The following SNX29 variants were observed in gnomAD, a reference collection of about 807,000 sequenced individuals.
SNX29 encodes sorting nexin 29.
In SNX29, 78 loss-of-function variants were observed where a neutral mutation model predicts 102.1. The observed-to-expected ratio is 0.76, with a 90% CI of 0.64 to 0.92. SNX29 has a LOEUF of 0.92. Among genes scored for constraint, SNX29 ranks in the 40% least tolerant of loss-of-function variants. The probability of loss-of-function intolerance (pLI) is 0.00; values close to 1 mark genes in which losing one functional copy is unlikely to be tolerated. For missense variants in SNX29, 1,280 were observed against 1,061.7 expected, an observed-to-expected ratio of 1.21 and a Z score of -2.86; for synonymous variants, 580 against 414.5, an observed-to-expected ratio of 1.40 and a Z score of -4.85.
chr16:12,447,884 C>T (rs1567573349), intron 18 of SNX29, among the ~76,000 whole-genome samples: 1 of 152,118 alleles, frequency 6.6e-6, no homozygotes, highest in Non-Finnish European at 1.5e-5. Flanking sequence ...ATTGCTGGCA[C>T]GGTTGTCAGG....
chr16:11,997,986 G>A (rs1225932288), intron 1 of SNX29, among the ~76,000 whole-genome samples: 1 of 152,194 alleles, frequency 6.6e-6, no homozygotes, highest in Non-Finnish European at 1.5e-5. Flanking sequence ...TGAAGATGAA[G>A]GGAGATGATG....
intron 15 of SNX29, among the ~76,000 whole-genome samples, chr16:12,328,581 C>T (rs1471379177): frequency 1.3e-5 from 2 of 152,042 alleles, no homozygotes; most frequent in Non-Finnish European, 2.9e-5. Flanking sequence ...CGTTCTCTGT[C>T]CCCAGAGGCC....
At chr16:12,524,059 T>C (rs891846684) in intron 19 of SNX29, among the ~76,000 whole-genome samples, 1 of 152,120 alleles carries the variant, frequency 6.6e-6, no homozygotes, top group African/African-American at 2.4e-5. Context: ...ATTTTGTATT[T>C]TTAGTAGAGA....
At chr16:12,388,144 G>C (rs1326615890) in intron 16 of SNX29, among the ~76,000 whole-genome samples, 1 of 152,188 alleles carries the variant, frequency 6.6e-6, no homozygotes, top group Non-Finnish European at 1.5e-5. Context: ...TTCTTTCGGA[G>C]GAGATGAGCC....
Position 12,403,454 on chromosome 16 carries a change from C to A in SNX29, c.1962C>A (p.Asn654Lys). The A allele has an allele frequency of 2.5e-6, 4 of 1,606,668 alleles. No individual in the cohort carries two copies. Among genetic ancestry groups the A allele is most frequent in the Non-Finnish European group, 3.4e-6 (4 of 1,176,386 alleles). Residue 654 changes from asparagine (N) to lysine (K), a missense_variant, in exon 18 of 21, where the codon AAC becomes AAA. Coordinates refer to ENST00000566228, the MANE Select transcript of SNX29 (RefSeq NM_032167.5). ...DQSLSDFEIS[N>K]RALINVWIPS... ...CTCTCTTCCTTTTGGTTAGATCAAACCGGGCGCTGATCAACGTCTGGATCC... is the reference window on the plus strand; with the variant it reads ...CTCTCTTCCTTTTGGTTAGATCAAAACGGGCGCTGATCAACGTCTGGATCC...
At chr16:12,062,412 A>ATAAG (rs1001383995) in intron 9 of SNX29, among the ~76,000 whole-genome samples, 8 of 149,344 alleles carry the variant, frequency 5.4e-5, no homozygotes, top group Non-Finnish European at 1.2e-4. Context: ...AAATAAATAA[A>ATAAG]TAAATAAATA....
intron 17 of SNX29, among the ~76,000 whole-genome samples, chr16:12,399,611 C>T (rs540408814): frequency 1.4e-4 from 22 of 152,160 alleles, no homozygotes; most frequent in Non-Finnish European, 2.4e-4. Flanking sequence ...CCTCACTTTC[C>T]TAATTTGTGA....
rs146596498 is a variant in SNX29 at position 12,573,847 on chromosome 16, TAAG to T, written c.*5224_*5226del. ...AATTTTTATTATCCAGGACTCATCC[TAAG>T]AAGAATGTTGGCCTCTCTTCATCCC... On this transcript the variant is annotated 3_prime_UTR_variant, in exon 21 of 21. Coordinates refer to ENST00000566228, the MANE Select transcript of SNX29 (RefSeq NM_032167.5). 3.2e-3 allele frequency: 672 copies of T among 212,908 alleles called. 3 individuals are homozygous for T. The highest frequency in any genetic ancestry group is 0.013 in the African/African-American group (579 of 44,258). The allele number at this position is 212,908 out of a possible 1,614,324, so 13.2% of individuals were successfully genotyped here. A position where few individuals can be genotyped will look rare whatever the true frequency, so the allele number is the denominator to read the frequency against.
chr16:12,361,296 G>A (rs541167710), intron 16 of SNX29, among the ~76,000 whole-genome samples: 1 of 152,350 alleles, frequency 6.6e-6, no homozygotes, highest in African/African-American at 2.4e-5. Context: ...CAGGAACCAG[G>A]CAGTGGTCCC....
intron 4 of SNX29, among the ~76,000 whole-genome samples, chr16:12,028,937 C>G (rs371286672): frequency 3.6e-4 from 55 of 151,042 alleles, no homozygotes; most frequent in Middle Eastern, 7.1e-3. Flanking sequence ...TTAGTAGAGA[C>G]AGGTTTCACC....
chr16:12,455,702 C>G (rs1264648286), intron 18 of SNX29, among the ~76,000 whole-genome samples: 1 of 152,228 alleles, frequency 6.6e-6, no homozygotes, highest in Non-Finnish European at 1.5e-5. Flanking sequence ...CAGTGCCACA[C>G]ACAGAGACTT....
intron 18 of SNX29, among the ~76,000 whole-genome samples, chr16:12,429,018 A>T (rs1355161664): frequency 6.6e-6 from 1 of 152,244 alleles, no homozygotes; most frequent in African/African-American, 2.4e-5. Flanking sequence ...CATAGATACG[A>T]TTGCAATTAA....
At chr16:12,251,554 T>C (rs2078423215) in intron 14 of SNX29, among the ~76,000 whole-genome samples, 1 of 151,942 alleles carries the variant, frequency 6.6e-6, no homozygotes, top group Non-Finnish European at 1.5e-5. Flanking sequence ...AATACAAAAA[T>C]TAGCCGGGCA....
At position 12,574,248 on chromosome 16, in the gene SNX29, GAC is replaced by G. The variant is rs1179900667; in HGVS notation, c.*5623_*5624del. 29 of 176,174 alleles carry G rather than the reference GAC, an allele frequency of 1.6e-4. No homozygotes were observed. The highest frequency in any genetic ancestry group is 6.4e-4 in the African/African-American group (27 of 42,286). The allele number at this position is 176,174 out of a possible 1,614,324, so 10.9% of individuals were successfully genotyped here. On this transcript the variant is annotated 3_prime_UTR_variant, in exon 21 of 21. Coordinates refer to ENST00000566228, the MANE Select transcript of SNX29 (RefSeq NM_032167.5). ...TGGTTGAGATCAACCTCTTTACAAT[GAC>G]ACAAATTGTGACATTTTATAAATTA... is the stretch of plus-strand genomic sequence containing the variant.
intron 15 of SNX29, among the ~76,000 whole-genome samples, chr16:12,315,446 T>G (rs1054974825): frequency 6.6e-6 from 1 of 152,178 alleles, no homozygotes; most frequent in Non-Finnish European, 1.5e-5. Context: ...TCATTTGTTA[T>G]GTGGATGGAA....
rs116414803 is a variant in SNX29, at chr16:12,565,349, G to A, written c.2319-3157G>A. On this transcript the variant is annotated intron_variant, in intron 20 of 20. Transcript: ENST00000566228. ...GCAGTCTGGGTTTTCCATCTGTCAC[G>A]CACTCACTGAAGCCCCTGGTCTAGC... Among the ~76,000 whole-genome samples the A allele has an allele frequency of 4.0e-3, 614 of 152,276 alleles. 2 individuals are homozygous for A. The highest frequency in any genetic ancestry group is 0.013 in the African/African-American group (534 of 41,550).
At chr16:12,490,019 T>A (rs2088463320) in intron 19 of SNX29, among the ~76,000 whole-genome samples, 1 of 152,192 alleles carries the variant, frequency 6.6e-6, no homozygotes, top group African/African-American at 2.4e-5. Flanking sequence ...TTGGCCAGGC[T>A]GGTCTCAAAC....
At chr16:12,351,010 G>C (rs777201962) in intron 15 of SNX29, among the ~76,000 whole-genome samples, 1 of 152,218 alleles carries the variant, frequency 6.6e-6, no homozygotes, top group Non-Finnish European at 1.5e-5. Context: ...CCAAGAGGGA[G>C]TGCAAAGAGC....
At chr16:12,560,516 C>A (rs1451096762) in intron 20 of SNX29, among the ~76,000 whole-genome samples, 5 of 152,166 alleles carry the variant, frequency 3.3e-5, no homozygotes, top group Non-Finnish European at 7.3e-5. Flanking sequence ...TCCTGCCCTC[C>A]ACCTTCCAAG....
Sources: gnomAD v4.1 joint callset for allele counts (sites outside exome capture counted in the v4.1 genomes callset) on GRCh38, gnomAD v4.1.1 for gene constraint, MANE v1.5 for transcripts, NCBI Gene and HGNC (gene_info 2026-07-23, HGNC 2026-07-21) for gene names.